DNAJB1: variants seen among roughly 807,000 people sequenced by gnomAD.
DNAJB1 encodes the protein DnaJ heat shock protein family (Hsp40) member B1, also known as dnaJ homolog subfamily B member 1.
In DNAJB1, 14 loss-of-function variants were observed where a neutral mutation model predicts 24.0. That is an observed-to-expected ratio of 0.58 (90% CI 0.39 to 0.91). The LOEUF (loss-of-function observed/expected upper bound fraction) is 0.91, where lower values mean the gene tolerates loss of function less well. Ranked by LOEUF, DNAJB1 falls within the 40% of genes least tolerant of loss-of-function variation. DNAJB1 has a pLI of 0.00. For synonymous variants in DNAJB1, 262 were observed against 174.4 expected, an observed-to-expected ratio of 1.50 and a Z score of -3.96; for missense variants, 517 against 458.1, an observed-to-expected ratio of 1.13 and a Z score of -1.17.
At chr19:14,546,588 A>T (rs966476511) in intron 1 of DNAJB1, among the ~76,000 whole-genome samples, 1 of 152,158 alleles carries the variant, frequency 6.6e-6, no homozygotes, top group Non-Finnish European at 1.5e-5. Flanking sequence ...CAGGGCTCTC[A>T]CTATCTTGGC....
chr19:14,540,871 C>G (rs1341840191), intron 1 of DNAJB1, among the ~76,000 whole-genome samples: 1 of 151,896 alleles, frequency 6.6e-6, no homozygotes, highest in Non-Finnish European at 1.5e-5. Flanking sequence ...GAGTTTTGCT[C>G]TTGCCCAGGC....
upstream of DNAJB1, chr19:14,530,299 C>T (rs995150417): frequency 6.3e-6 from 1 of 158,598 alleles, no homozygotes; most frequent in South Asian, 1.6e-4. Context: ...AAGGAGAAAT[C>T]TTATACCCAC....
rs763274356 is a variant in DNAJB1 at position 14,518,374 on chromosome 19, C to G, written c.-25G>C. On this transcript the variant is annotated 5_prime_UTR_variant, in exon 1 of 3. Transcript: ENST00000254322. ...TGACCCCCTCCTGCGGCCCGCCGAC[C>G]CGCTGTCGCCGTCCCCCGGCTCCGC... is the stretch of plus-strand genomic sequence containing the variant. 1.3e-6 allele frequency: 2 copies of G among 1,527,990 alleles called. No individual in the cohort carries two copies. Among genetic ancestry groups the G allele is most frequent in the Non-Finnish European group, 1.7e-6 (2 of 1,147,682 alleles). The allele number at this position is 1,527,990 out of a possible 1,614,324, so 94.7% of individuals were successfully genotyped here.
intron 1 of DNAJB1, among the ~76,000 whole-genome samples, chr19:14,537,600 A>G (rs1247009786): frequency 1.3e-5 from 2 of 152,184 alleles, no homozygotes; most frequent in Admixed American, 6.5e-5. Flanking sequence ...TAGTTGGTCA[A>G]GTTCAGGCTG....
At chr19:14,551,192 G>C (rs1204770048), upstream of DNAJB1, among the ~76,000 whole-genome samples, 4 of 151,450 alleles carry the variant, frequency 2.6e-5, no homozygotes, top group African/African-American at 9.7e-5. Flanking sequence ...CCTGCCTCAG[G>C]CTCCTGAGTA....
intron 1 of DNAJB1, among the ~76,000 whole-genome samples, chr19:14,556,413 A>ATAAAACAAAAAC (rs1555735955): frequency 2.5e-4 from 22 of 86,634 alleles, no homozygotes; most frequent in African/African-American, 6.9e-4. Flanking sequence ...TCTCTCAAAA[A>ATAAAACAAAAAC]AAAAACAAAA....
chr19:14,544,300 T>C (rs1327343054), intron 1 of DNAJB1, among the ~76,000 whole-genome samples: 1 of 152,114 alleles, frequency 6.6e-6, no homozygotes, highest in Non-Finnish European at 1.5e-5. Flanking sequence ...TGTAAGCCCC[T>C]GGCTCTCCCC....
At chr19:14,551,394 GAGA>G (rs1392337527), upstream of DNAJB1, among the ~76,000 whole-genome samples, 1 of 152,104 alleles carries the variant, frequency 6.6e-6, no homozygotes, top group Non-Finnish European at 1.5e-5. Flanking sequence ...ATTTTGTGTA[GAGA>G]AGGAGTTTTG....
rs987976372 is a variant in DNAJB1 at position 14,541,000 on chromosome 19, A to C, written c.-214+9208T>G. Among the ~76,000 whole-genome samples the C allele has an allele frequency of 3.2e-4, 48 of 151,752 alleles. 1 individual carries two copies. Among genetic ancestry groups the C allele is most frequent in the African/African-American group, 1.1e-3 (46 of 41,232 alleles). On this transcript the variant is annotated intron_variant, in intron 1 of 3. Transcript: ENST00000676982. ...CAGGCCACACGCTGCTAATTTTGGT[A>C]TTTTTAGTAGAGACAGGGTTTCACC...
chr19:14,535,506 CAAAAAAAAAAAAAAAAAAA>C (rs1172079027), intron 1 of DNAJB1, among the ~76,000 whole-genome samples: 5 of 17,176 alleles, frequency 2.9e-4, no homozygotes, highest in African/African-American at 8.4e-4. Context: ...GACTCCGTCT[CAAAAAAAAAAAAAAAAAAA>C]AAAAAAAAAA....
chr19:14,515,844 C>CCCT lies in DNAJB1; in HGVS notation c.*93_*95dup. ...CAGCAGTACGAAAGCCCTCCCTGGG[C>CCCT]CCTCCCACCCTCTCATGGTCCACAA... On this transcript the variant is annotated 3_prime_UTR_variant, in exon 3 of 3. Transcript: ENST00000254322. 1.7e-6 allele frequency: 2 copies of CCCT among 1,206,612 alleles called. No individual in the cohort carries two copies. Among genetic ancestry groups the CCCT allele is most frequent in the South Asian group, 2.7e-5 (2 of 73,312 alleles). 74.7% of individuals were successfully genotyped at this position (1,206,612 alleles called of 1,614,324 possible).
chr19:14,529,448 G>A (rs2072523469), upstream of DNAJB1: 4 of 632,262 alleles, frequency 6.3e-6, no homozygotes, highest in South Asian at 3.5e-5. Context: ...GATTGGTCTC[G>A]CAAGTTGATT....
At position 14,527,165 on chromosome 19, in the gene DNAJB1, CTTTTTTTTTTTTT is replaced by C. The variant is rs369143149; in HGVS notation, c.-90+548_-90+560del. On this transcript the variant is annotated intron_variant, in intron 2 of 3. Transcript: ENST00000396969. Reference sequence around the variant, plus strand: ...AACTGCCACCAGAAAAATATCTCTGCTTTTTTTTTTTTTTTTTTTTTTTTTTTTTTTTTGAGAC... The same window carrying C: ...AACTGCCACCAGAAAAATATCTCTGCTTTTTTTTTTTTTTTTTTTTGAGAC... Among the ~76,000 whole-genome samples, 68 of 41,306 alleles carry C rather than the reference CTTTTTTTTTTTTT, an allele frequency of 1.6e-3. No homozygotes were observed. In the East Asian group the frequency reaches 0.022, roughly 13 times the overall value. 27.1% of individuals were successfully genotyped at this position (41,306 alleles called of 152,430 possible). A position where few individuals can be genotyped will look rare whatever the true frequency, so the allele number is the denominator to read the frequency against.
upstream of DNAJB1, among the ~76,000 whole-genome samples, chr19:14,551,839 T>G (rs1250338839): frequency 6.6e-6 from 1 of 152,010 alleles, no homozygotes; most frequent in Admixed American, 6.6e-5. Flanking sequence ...GTTTTTCTTT[T>G]GTTTGGTTTT....
At chr19:14,537,214 A>G (rs1599421074) in intron 1 of DNAJB1, among the ~76,000 whole-genome samples, 1 of 95,768 alleles carries the variant, frequency 1.0e-5, no homozygotes, top group Admixed American at 1.2e-4. Context: ...GGGGCTCAGG[A>G]GGAGGAGGCG....
At chr19:14,558,832 TCTC>T (rs2073822088) in intron 1 of DNAJB1, among the ~76,000 whole-genome samples, 1 of 152,070 alleles carries the variant, frequency 6.6e-6, no homozygotes, top group South Asian at 2.1e-4. Flanking sequence ...CCTCACCGCT[TCTC>T]CTGGAGATGG....
intron 1 of DNAJB1, among the ~76,000 whole-genome samples, chr19:14,537,445 T>TGAG (rs149758678): frequency 0.35 from 52,805 of 151,688 alleles, 9,542 homozygotes; most frequent in Non-Finnish European, 0.41. Flanking sequence ...AACTGGTTCC[T>TGAG]GAGAACAGAG....
chr19:14,534,356 C>T (rs554609275), upstream of DNAJB1, among the ~76,000 whole-genome samples: 1 of 148,694 alleles, frequency 6.7e-6, no homozygotes, highest in East Asian at 2.0e-4. Flanking sequence ...GATCTCCTGA[C>T]CTTATGATCC....
At chr19:14,517,863 C>T in intron 1 of DNAJB1, 1 of 347,452 alleles carries the variant, frequency 2.9e-6, no homozygotes, top group Non-Finnish European at 5.2e-6. Flanking sequence ...CCCCATGCAC[C>T]GCACCCCGGG....
Sources: allele counts gnomAD v4.1 joint callset (sites outside exome capture counted in the v4.1 genomes callset), GRCh38; gene constraint gnomAD v4.1.1; transcripts MANE v1.5; gene names NCBI Gene and HGNC (gene_info 2026-07-23, HGNC 2026-07-21).